APC: variants seen among roughly 807,000 people sequenced by gnomAD.
APC encodes the protein adenomatous polyposis coli protein.
Under a neutral mutation model 247.0 loss-of-function variants are expected in APC, and 72 were observed. The observed-to-expected ratio is 0.29, with a 90% CI of 0.24 to 0.35. The LOEUF is 0.35. Ranked by LOEUF, APC falls within the 10% of genes least tolerant of loss-of-function variation. APC has a pLI of 1.00. For missense variants in APC, 3,400 were observed against 3,360.7 expected (o/e 1.01, Z -0.29); for synonymous variants, 1,254 against 1,162.5 (o/e 1.08, Z -1.60).
rs115648598 is a variant in APC, at chr5:112,718,507, C to T, written c.165+10625C>T. On this transcript the variant is annotated intron_variant, in intron 1 of 13. Transcript: ENST00000507379. ...ATGCTGTTTTCACTGCAGTCCTCAC[C>T]CTTGGTGGGTCTCAGACTCTGGCTT... Among the ~76,000 whole-genome samples, 269 of 152,320 alleles carry T rather than the reference C, an allele frequency of 1.8e-3. 1 individual carries two copies. Among genetic ancestry groups the T allele is most frequent in the African/African-American group, 6.3e-3 (262 of 41,558 alleles).
intron 1 of APC, among the ~76,000 whole-genome samples, chr5:112,750,829 T>C (rs1474825618): frequency 6.6e-6 from 1 of 152,172 alleles, no homozygotes; most frequent in Non-Finnish European, 1.5e-5. Context: ...TCTGCTCTCA[T>C]AAGCAATGAA....
rs886039687 is a variant in APC, at chr5:112,842,730, CCAAA to C, written c.7143_7146del (p.Thr2382ValfsTer19). The C allele has an allele frequency of 1.2e-6, 2 of 1,613,926 alleles. No individual in the cohort carries two copies. Among genetic ancestry groups the C allele is most frequent in the Non-Finnish European group, 1.7e-6 (2 of 1,179,860 alleles). ...AGACAGATGAGCCAACAGAACCTTA[CCAAA>C]CAAACAGGTTTATCCAAGAATGCCA... On this transcript the variant is annotated frameshift_variant, in exon 16 of 16. Coordinates refer to ENST00000257430, the MANE Select transcript of APC (RefSeq NM_000038.6). LOFTEE classifies it high-confidence loss of function.
chr5:112,791,885 G>C (rs1759645262), intron 6 of APC, among the ~76,000 whole-genome samples: 1 of 152,116 alleles, frequency 6.6e-6, no homozygotes, highest in Non-Finnish European at 1.5e-5. Flanking sequence ...TATATGACTT[G>C]TATTTCCAGT....
chr5:112,768,951 C>A (rs1756695477), intron 4 of APC, among the ~76,000 whole-genome samples: 1 of 151,614 alleles, frequency 6.6e-6, no homozygotes, highest in South Asian at 2.1e-4. Flanking sequence ...TATTCTTTAA[C>A]AAATCTCTCT....
chr5:112,743,400 G>GCATA (rs1400229869), intron 1 of APC, among the ~76,000 whole-genome samples: 1 of 150,384 alleles, frequency 6.6e-6, no homozygotes, highest in African/African-American at 2.4e-5. Context: ...CCATACACAG[G>GCATA]CATACTCATC....
intron 1 of APC, among the ~76,000 whole-genome samples, chr5:112,716,150 C>T (rs188032313): frequency 1.3e-4 from 20 of 152,074 alleles, no homozygotes; most frequent in East Asian, 1.9e-4. Context: ...TGGGGTTCTT[C>T]GGTGAAGTTC....
intron 12 of APC, among the ~76,000 whole-genome samples, chr5:112,827,620 C>G (rs1561555013): frequency 6.6e-6 from 1 of 152,070 alleles, no homozygotes; most frequent in South Asian, 2.1e-4. Context: ...TTCTTAAGAC[C>G]AAGGCAAGTG....
In APC at chr5:112,841,019, A is replaced by G. The variant is rs1580660009; in HGVS notation, c.5425A>G (p.Lys1809Glu). The change falls in exon 16 of 16, where the codon AAA becomes GAA. Residue 1809 changes from lysine to glutamate, a missense_variant. Lys to Glu is a moderately conservative substitution (Grantham distance 56). Around this residue, in one of 9 missense-constraint regions of APC, gnomAD observed 1,788 missense variants for 1,649.5 expected, o/e 1.08. Coordinates refer to ENST00000257430, the MANE Select transcript of APC (RefSeq NM_000038.6). The surrounding 1 kb of genome is among the most constrained non-coding windows in gnomAD (Gnocchi z 4.6). ...LNAERVFSDNKDSKKQNLKNN... is the reference protein window; with the variant it reads ...LNAERVFSDNEDSKKQNLKNN... Reference sequence around the variant, plus strand: ...TGCTGAGAGAGTTTTCTCAGACAACAAAGATTCAAAGAAACAGAATTTGAA... The same window carrying G: ...TGCTGAGAGAGTTTTCTCAGACAACGAAGATTCAAAGAAACAGAATTTGAA... The G allele has an allele frequency of 6.2e-7, 1 of 1,610,968 alleles. No homozygotes were observed. Among genetic ancestry groups the G allele is most frequent in the Non-Finnish European group, 8.5e-7 (1 of 1,177,254 alleles).
At chr5:112,732,875 A>G (rs1233965940) in intron 1 of APC, among the ~76,000 whole-genome samples, 2 of 152,246 alleles carry the variant, frequency 1.3e-5, no homozygotes, top group African/African-American at 4.8e-5. Context: ...AGAGCAATTA[A>G]TCATCCTTTA....
intron 6 of APC, among the ~76,000 whole-genome samples, chr5:112,789,857 A>ATTTT (rs71626674): frequency 2.0e-5 from 3 of 147,298 alleles, no homozygotes; most frequent in Non-Finnish European, 3.0e-5. Context: ...CTTAAAGAAT[A>ATTTT]TTTTTTTTTT....
chr5:112,829,066 C>G (rs1288187695), intron 14 of APC, 94 bp downstream of exon 14: 1 of 878,758 alleles, frequency 1.1e-6, no homozygotes, highest in African/African-American at 1.7e-5. Context: ...TAATTTCTTA[C>G]CTGTGTATTA....
intron 1 of APC, among the ~76,000 whole-genome samples, chr5:112,714,385 G>C (rs1424101357): frequency 1.3e-5 from 2 of 152,238 alleles, no homozygotes; most frequent in Non-Finnish European, 2.9e-5. Context: ...AAAGAATTCA[G>C]AGATTGATCT....
At chr5:112,756,252 A>T (rs1017287895) in intron 2 of APC, among the ~76,000 whole-genome samples, 1 of 152,072 alleles carries the variant, frequency 6.6e-6, no homozygotes, top group Non-Finnish European at 1.5e-5. Flanking sequence ...CCATCCCTCT[A>T]TCAATCTTTT....
rs2149993605 is a variant in APC at position 112,843,370 on chromosome 5, G to T, written c.7776G>T (p.Val2592=). ...EKAKSEDEKH[V]NSISGTKQSK... ...CAAAAAGTGAGGATGAAAAACATGT[G>T]AACTCTATTTCAGGAACCAAACAAA... The change falls in exon 16 of 16, where the codon GTG becomes GTT. Residue 2592 remains valine (V), a synonymous_variant. Coordinates refer to ENST00000257430, the MANE Select transcript of APC (RefSeq NM_000038.6). The surrounding 1 kb of genome is among the most constrained non-coding windows in gnomAD (Gnocchi z 4.8). The T allele has an allele frequency of 2.5e-6, 4 of 1,613,778 alleles. No homozygotes were observed. The highest frequency in any genetic ancestry group is 3.4e-6 in the Non-Finnish European group (4 of 1,179,800).
At chr5:112,764,786 TG>T (rs1756087657) in intron 2 of APC, among the ~76,000 whole-genome samples, 1 of 152,076 alleles carries the variant, frequency 6.6e-6, no homozygotes, top group Non-Finnish European at 1.5e-5. Flanking sequence ...TAGCAATGGA[TG>T]GAAAGAGAAT....
Position 112,840,346 on chromosome 5 carries a change from A to C in APC, c.4752A>C (p.Pro1584=), listed in dbSNP as rs1554086150. Residue 1584 remains proline (P), a synonymous_variant, in exon 16 of 16, where the codon CCA becomes CCC. Coordinates refer to ENST00000257430, the MANE Select transcript of APC (RefSeq NM_000038.6). The surrounding 1 kb of genome is among the most constrained non-coding windows in gnomAD (Gnocchi z 4.1). ...AAGAATGTATTATTTCTGCCATGCCAACAAAGTCATCACGTAAAGCAAAAA... is the reference window on the plus strand; with the variant it reads ...AAGAATGTATTATTTCTGCCATGCCCACAAAGTCATCACGTAAAGCAAAAA... ...ILEECIISAM[P]TKSSRKAKKP... 1 of 1,614,238 alleles carries C rather than the reference A, an allele frequency of 6.2e-7. No individual in the cohort carries two copies. Among genetic ancestry groups the C allele is most frequent in the Non-Finnish European group, 8.5e-7 (1 of 1,180,040 alleles).
At chr5:112,734,785 G>GT (rs1366417911), upstream of APC, among the ~76,000 whole-genome samples, 3 of 115,406 alleles carry the variant, frequency 2.6e-5, no homozygotes, top group African/African-American at 8.0e-5. Context: ...TCTTGTGTGT[G>GT]TGTGTGTGTT....
Position 112,837,691 on chromosome 5 carries a change from G to A in APC, c.2097G>A (p.Trp699Ter), listed in dbSNP as rs1060503282. The change falls in exon 16 of 16, where the codon TGG becomes TGA. Residue 699 changes from tryptophan to a stop codon, truncating the protein, a stop_gained. Coordinates refer to ENST00000257430, the MANE Select transcript of APC (RefSeq NM_000038.6). LOFTEE classifies it high-confidence loss of function. ...ARNPKDQEAL[W>*]DMGAVSMLKN... ...ATCCTAAAGACCAGGAAGCATTATG[G>A]GACATGGGGGCAGTTAGCATGCTCA... 1 of 1,614,160 alleles carries A rather than the reference G, an allele frequency of 6.2e-7. No homozygotes were observed. The highest frequency in any genetic ancestry group is 2.2e-5 in the East Asian group (1 of 44,880).
intron 1 of APC, among the ~76,000 whole-genome samples, chr5:112,726,164 G>A (rs1396758384): frequency 1.6e-4 from 25 of 152,240 alleles, no homozygotes; most frequent in Admixed American, 1.6e-3. Flanking sequence ...AAGTGGGCAT[G>A]TGTTACAGTG....
Sources: allele counts gnomAD v4.1 joint callset (sites outside exome capture counted in the v4.1 genomes callset), GRCh38; gene constraint gnomAD v4.1.1; regional missense constraint gnomAD v4.1.1; non-coding constraint Gnocchi (gnomAD v3.1); transcripts MANE v1.5; gene names NCBI Gene and HGNC (gene_info 2026-07-23, HGNC 2026-07-21).